Variants in VPS54 observed in about 807,000 individuals in gnomAD.
VPS54 encodes VPS54 subunit of GARP complex.
Under a neutral mutation model 121.5 loss-of-function variants are expected in VPS54, and 45 were observed. That is an observed-to-expected ratio of 0.37 (90% CI 0.29 to 0.47). VPS54 has a LOEUF of 0.47. Among genes scored for constraint, VPS54 ranks in the 20% least tolerant of loss-of-function variants. VPS54 has a pLI of 0.99. For synonymous variants in VPS54, 371 were observed against 385.8 expected (o/e 0.96, Z 0.45); for missense variants, 1,090 against 1,131.4 (o/e 0.96, Z 0.52).
intron 18 of VPS54, 109 bp downstream of exon 18, chr2:63,913,114 A>T: frequency 1.2e-6 from 1 of 841,932 alleles, no homozygotes; most frequent in Non-Finnish European, 1.8e-6. Flanking sequence ...TTTTAGAGTA[A>T]TGCCACTTTG....
At chr2:64,009,302 A>C (rs1053052482) in intron 1 of VPS54, among the ~76,000 whole-genome samples, 3 of 152,024 alleles carry the variant, frequency 2.0e-5, no homozygotes, top group African/African-American at 7.2e-5. Flanking sequence ...CAAAAGAAAA[A>C]AGATACTATA....
At chr2:63,902,559 A>C (rs999639093) in intron 20 of VPS54, among the ~76,000 whole-genome samples, 1 of 152,214 alleles carries the variant, frequency 6.6e-6, no homozygotes, top group African/African-American at 2.4e-5. Flanking sequence ...TTTAATTAAA[A>C]AAAAAACAAA....
Position 63,939,217 on chromosome 2 carries a change from C to A in VPS54, c.1398+3248G>T, listed in dbSNP as rs184810827. Among the ~76,000 whole-genome samples, 246 of 152,046 alleles carry A rather than the reference C, an allele frequency of 1.6e-3. 7 individuals carry two copies. In the East Asian group the frequency reaches 0.045, roughly 28 times the overall value. On this transcript the variant is annotated intron_variant, in intron 11 of 22. Coordinates refer to ENST00000272322, the MANE Select transcript of VPS54 (RefSeq NM_016516.3). ...TGAAACCCCATCTGTACTAAAAACA[C>A]AAAAATTAGCTAGACATGGTGGCGT...
rs912020267 is a variant in VPS54, at chr2:64,019,311, C to T, written c.-394G>A. ...CGCCGCCGCGCCACGACCACTGCCT[C>T]TAGCGCTTCTGCTCCCGACTCCACT... On this transcript the variant is annotated 5_prime_UTR_variant, in exon 1 of 23. Transcript: ENST00000272322. 6.6e-6 allele frequency among the ~76,000 whole-genome samples: 1 copy of T among 150,670 alleles called. No individual in the cohort carries two copies. Among genetic ancestry groups the T allele is most frequent in the South Asian group, 2.1e-4 (1 of 4,836 alleles).
intron 16 of VPS54, among the ~76,000 whole-genome samples, chr2:63,916,557 C>G (rs1242753356): frequency 6.6e-6 from 1 of 152,036 alleles, no homozygotes; most frequent in Non-Finnish European, 1.5e-5. Context: ...ATAATACATT[C>G]TAAGAAAGCA....
intron 3 of VPS54, among the ~76,000 whole-genome samples, chr2:63,979,965 G>C (rs1358310560): frequency 6.6e-6 from 1 of 152,056 alleles, no homozygotes; most frequent in African/African-American, 2.4e-5. Flanking sequence ...GTTATATGGA[G>C]TGCTCTTTCA....
At chr2:64,016,978 A>C (rs1678726880) in intron 1 of VPS54, among the ~76,000 whole-genome samples, 1 of 151,304 alleles carries the variant, frequency 6.6e-6, no homozygotes, top group Non-Finnish European at 1.5e-5. Context: ...GTTTTTAAAA[A>C]GCAAAGAGCA....
intron 1 of VPS54, among the ~76,000 whole-genome samples, chr2:64,011,492 G>C (rs772858084): frequency 1.3e-5 from 2 of 152,116 alleles, no homozygotes; most frequent in African/African-American, 2.4e-5. Flanking sequence ...CTTGAACACA[G>C]AACGGGGAGG....
At chr2:64,017,123 C>CCT (rs1678739605) in intron 1 of VPS54, among the ~76,000 whole-genome samples, 1 of 149,586 alleles carries the variant, frequency 6.7e-6, no homozygotes, top group Non-Finnish European at 1.5e-5. Context: ...CGGTGGATCA[C>CCT]AAGGTCAGGA....
chr2:63,981,909 A>T, intron 2 of VPS54, 22 bp from the exon 3 acceptor site: 1 of 1,601,356 alleles, frequency 6.2e-7, no homozygotes, highest in Non-Finnish European at 8.5e-7. Flanking sequence ...AAACAAGAGA[A>T]CTCTGTAAAT....
rs1171864332 is a variant in VPS54 at position 64,013,604 on chromosome 2, CAT to C, written c.-21+5332_-21+5333del. 1.7e-4 allele frequency among the ~76,000 whole-genome samples: 24 copies of C among 140,720 alleles called. No individual in the cohort carries two copies. In the East Asian group the frequency reaches 2.6e-3, roughly 15 times the overall value. 92.3% of individuals were successfully genotyped at this position (140,720 alleles called of 152,430 possible). Reference sequence around the variant, plus strand: ...TATATAAATATATATCAATATATATCATATGATATATATCAGCATTTATATAT... The same window carrying C: ...TATATAAATATATATCAATATATATCATGATATATATCAGCATTTATATAT... On this transcript the variant is annotated intron_variant, in intron 1 of 22. Coordinates refer to ENST00000272322, the MANE Select transcript of VPS54 (RefSeq NM_016516.3).
chr2:63,920,646 A>C lies in VPS54; in HGVS notation c.1870-19T>G. ...AACCATCCTAAATTTTAATACAAAA[A>C]TCATGAGAGTTAGTGTAACACCAAA... On this transcript the variant is annotated intron_variant, in intron 13 of 22. Coordinates refer to ENST00000272322, the MANE Select transcript of VPS54 (RefSeq NM_016516.3). 7.0e-7 allele frequency: 1 copy of C among 1,435,520 alleles called. No homozygotes were observed. Among genetic ancestry groups the C allele is most frequent in the Non-Finnish European group, 9.2e-7 (1 of 1,086,672 alleles). The allele number at this position is 1,435,520 out of a possible 1,614,324, so 88.9% of individuals were successfully genotyped here. A position where few individuals can be genotyped will look rare whatever the true frequency, so the allele number is the denominator to read the frequency against.
In VPS54 at chr2:63,916,920, T is replaced by C; in HGVS notation, c.2208A>G (p.Gly736=). The stretch of plus-strand genomic sequence containing the variant: ...CTCACCCAACAACTGCATACTGTTG[T>C]CCCTCGACAATAAGAACTTCAGCTG... ...RKPAEVLIVE[G]QQYAVVGTVL... Residue 736 remains glycine (G), a synonymous_variant, in exon 16 of 23, where the codon GGA becomes GGG. Coordinates refer to ENST00000272322, the MANE Select transcript of VPS54 (RefSeq NM_016516.3). The C allele has an allele frequency of 1.2e-6, 2 of 1,613,592 alleles. No homozygotes were observed. The highest frequency in any genetic ancestry group is 1.7e-6 in the Non-Finnish European group (2 of 1,179,668).
chr2:63,962,034 T>C (rs1675792730), intron 7 of VPS54, 24 bp downstream of exon 7: 2 of 1,499,500 alleles, frequency 1.3e-6, no homozygotes, highest in East Asian at 4.6e-5. Context: ...ACATTATTTC[T>C]AGTGGCTTAC....
At chr2:64,005,953 T>C (rs1678123366) in intron 1 of VPS54, among the ~76,000 whole-genome samples, 1 of 152,104 alleles carries the variant, frequency 6.6e-6, no homozygotes, top group African/African-American at 2.4e-5. Flanking sequence ...CCACCATATA[T>C]GAGGAAACAA....
Position 63,897,498 on chromosome 2 carries a change from A to G in VPS54, c.2826T>C (p.Asn942=). The part of the protein sequence containing the change: ...LNVINDGGPQ[N]GLVTADVAFY... ...GGTGAAAACGTTAAAAAACATACCCATTTTGAGGTCCTCCATCATTTATCA... is the reference window on the plus strand; with the variant it reads ...GGTGAAAACGTTAAAAAACATACCCGTTTTGAGGTCCTCCATCATTTATCA... The change falls in exon 22 of 23, where the codon AAT becomes AAC. Residue 942 remains asparagine (N), a splice_region_variant and synonymous_variant. Transcript: ENST00000272322. 1 of 1,587,260 alleles carries G rather than the reference A, an allele frequency of 6.3e-7. No homozygotes were observed. Among genetic ancestry groups the G allele is most frequent in the Non-Finnish European group, 8.6e-7 (1 of 1,164,830 alleles).
At chr2:63,954,604 A>T (rs1675408361) in intron 7 of VPS54, among the ~76,000 whole-genome samples, 1 of 152,116 alleles carries the variant, frequency 6.6e-6, no homozygotes. Flanking sequence ...TGTAGCCCAC[A>T]ATTAATGATA....
chr2:64,013,642 C>A (rs1274768246), intron 1 of VPS54, among the ~76,000 whole-genome samples: 20 of 138,600 alleles, frequency 1.4e-4, no homozygotes, highest in Non-Finnish European at 2.5e-4. Flanking sequence ...AAATATATAT[C>A]AATATATAGA....
At chr2:63,995,556 C>A (rs1281865578) in intron 1 of VPS54, among the ~76,000 whole-genome samples, 1 of 152,222 alleles carries the variant, frequency 6.6e-6, no homozygotes, top group Non-Finnish European at 1.5e-5. Context: ...AATGGCGTTA[C>A]ATCAGTCTAT....
Sources: allele counts gnomAD v4.1 joint callset (sites outside exome capture counted in the v4.1 genomes callset), GRCh38; gene constraint gnomAD v4.1.1; transcripts MANE v1.5; gene names NCBI Gene and HGNC (gene_info 2026-07-23, HGNC 2026-07-21).